The following SKI variants were observed in gnomAD, a reference collection of about 807,000 sequenced individuals.
The protein encoded by SKI is SKI proto-oncogene.
SKI carries 23 observed loss-of-function variants against 59.3 expected under a neutral mutation model. The observed-to-expected ratio is 0.39, with a 90% CI of 0.28 to 0.55. The LOEUF (loss-of-function observed/expected upper bound fraction) is 0.55, where lower values mean the gene tolerates loss of function less well. SKI is among the 20% of genes least tolerant of loss of function. The pLI is 0.67. For missense variants in SKI, 1,017 were observed against 1,038.9 expected, an observed-to-expected ratio of 0.98 and a Z score of 0.29; for synonymous variants, 673 against 488.6, an observed-to-expected ratio of 1.38 and a Z score of -4.98.
At chr1:2,260,594 A>G (rs116564674) in intron 1 of SKI, among the ~76,000 whole-genome samples, 132 of 130,428 alleles carry the variant, frequency 1.0e-3, no homozygotes, top group African/African-American at 3.9e-3. Flanking sequence ...AGGCTAGAGC[A>G]CAATCTTGTG....
chr1:2,232,766 C>T (rs1001710876), intron 1 of SKI: 4 of 152,324 alleles, frequency 2.6e-5, no homozygotes, highest in Admixed American at 6.5e-5. Context: ...TGACCTTGGA[C>T]GAGTTGCTTA....
chr1:2,262,114 G>C (rs1430066215), intron 1 of SKI, among the ~76,000 whole-genome samples: 1 of 141,684 alleles, frequency 7.1e-6, no homozygotes, highest in Non-Finnish European at 1.5e-5. Flanking sequence ...CTGATCTCCT[G>C]GTCTGGAAGG....
Position 2,303,496 on chromosome 1 carries a change from C to G in SKI, c.1211+96C>G. Reference sequence around the variant, plus strand: ...GCCCATGTTTCTGCAGGCTGGGTGCCCAGACCTGCCGCCTTTTGGTCAGGG... The same window carrying G: ...GCCCATGTTTCTGCAGGCTGGGTGCGCAGACCTGCCGCCTTTTGGTCAGGG... On this transcript the variant is annotated intron_variant, in intron 3 of 6. Transcript: ENST00000378536. The surrounding 1 kb of genome is among the most constrained non-coding windows in gnomAD (Gnocchi z 5.6). 8.9e-7 allele frequency: 1 copy of G among 1,121,232 alleles called. No homozygotes were observed. Among genetic ancestry groups the G allele is most frequent in the Admixed American group, 1.8e-5 (1 of 54,790 alleles). 69.5% of individuals were successfully genotyped at this position (1,121,232 alleles called of 1,614,324 possible).
chr1:2,229,848 T>C lies in SKI; in HGVS notation c.969+113T>C, dbSNP rs1257160138. On this transcript the variant is annotated intron_variant, in intron 1 of 6. Coordinates refer to ENST00000378536, the MANE Select transcript of SKI (RefSeq NM_003036.4). This position sits in a 1 kb window ranked among gnomAD's most constrained non-coding sequence, Gnocchi z 6.3. ...GGACCTGTGCTTCTGCCGTGCCCCA[T>C]GTCTCCAGTCTTCGCTTTGTTTTAG... is the stretch of plus-strand genomic sequence containing the variant. 2.0e-6 allele frequency: 3 copies of C among 1,517,698 alleles called. No individual in the cohort carries two copies. Among genetic ancestry groups the C allele is most frequent in the African/African-American group, 1.4e-5 (1 of 71,866 alleles). The allele number at this position is 1,517,698 out of a possible 1,614,324, so 94.0% of individuals were successfully genotyped here.
In SKI at chr1:2,268,114, G is replaced by T. The variant is rs1049351058; in HGVS notation, c.970-34864G>T. ...CCACCCCTGTGGTCAGATGCATGGC[G>T]CCCGCAGCCCTGGCCCAGGTGCCCC... On this transcript the variant is annotated intron_variant, in intron 1 of 6. Transcript: ENST00000378536. The surrounding 1 kb of genome is among the most constrained non-coding windows in gnomAD (Gnocchi z 5.0). 3.3e-5 allele frequency among the ~76,000 whole-genome samples: 5 copies of T among 152,226 alleles called. No individual in the cohort carries two copies. The highest frequency in any genetic ancestry group is 7.3e-5 in the Non-Finnish European group (5 of 68,028).
chr1:2,275,272 C>G (rs183773309), intron 1 of SKI, among the ~76,000 whole-genome samples: 1 of 152,224 alleles, frequency 6.6e-6, no homozygotes, highest in Admixed American at 6.5e-5. Context: ...TCCGCTCAGG[C>G]GCCACGGCGG....
Position 2,306,705 on chromosome 1 carries a change from G to A in SKI, c.2127G>A (p.Leu709=). Residue 709 remains leucine (L), a synonymous_variant, in exon 7 of 7, where the codon CTG becomes CTA. Transcript: ENST00000378536. ...TGGTGAAGGAGCTGCAGGAACAGCT[G>A]TGGCCGCGGGCCCGCCCCGAGGCTG... is the stretch of plus-strand genomic sequence containing the variant. ...EKVVKELQEQ[L]WPRARPEAAG... 6.5e-7 allele frequency: 1 copy of A among 1,541,110 alleles called. No homozygotes were observed. Among genetic ancestry groups the A allele is most frequent in the Non-Finnish European group, 8.7e-7 (1 of 1,144,120 alleles).
At chr1:2,230,193 C>T (rs1638601878) in intron 1 of SKI, among the ~76,000 whole-genome samples, 1 of 152,190 alleles carries the variant, frequency 6.6e-6, no homozygotes, top group African/African-American at 2.4e-5. Context: ...GCCTCGAAGA[C>T]GGAGGGCTGC....
intron 1 of SKI, among the ~76,000 whole-genome samples, chr1:2,249,323 C>A (rs1056376775): frequency 2.0e-5 from 3 of 152,204 alleles, no homozygotes; most frequent in Non-Finnish European, 2.9e-5. Context: ...AGCGTGCAGG[C>A]CGGATGTTCC....
At chr1:2,235,425 C>T (rs568117193) in intron 1 of SKI, among the ~76,000 whole-genome samples, 5 of 152,316 alleles carry the variant, frequency 3.3e-5, no homozygotes, top group Admixed American at 6.5e-5. Context: ...CCTGTTCTCT[C>T]GAGGCCTGGT....
At chr1:2,231,568 A>G (rs10910031) in intron 1 of SKI, among the ~76,000 whole-genome samples, 20,685 of 152,166 alleles carry the variant, frequency 0.14, 1,985 homozygotes, top group African/African-American at 0.26. Context: ...GGCTCTGGTC[A>G]TCTCAGCGGA....
intron 1 of SKI, among the ~76,000 whole-genome samples, chr1:2,245,706 C>T (rs1638978589): frequency 6.6e-6 from 1 of 151,494 alleles, no homozygotes; most frequent in Non-Finnish European, 1.5e-5. Flanking sequence ...GAATTCTTGA[C>T]CTTATGTGAC....
chr1:2,297,853 G>A (rs148551236), intron 1 of SKI, among the ~76,000 whole-genome samples: 9 of 152,250 alleles, frequency 5.9e-5, no homozygotes, highest in African/African-American at 1.4e-4. Context: ...CTCCCATGGC[G>A]CATGCATTCC....
In SKI at chr1:2,303,107, C is replaced by T. The variant is rs752075681; in HGVS notation, c.1095+4C>T. 9.3e-6 allele frequency: 15 copies of T among 1,613,224 alleles called. No individual in the cohort carries two copies. In the South Asian group the frequency reaches 1.5e-4, roughly 17 times the overall value. On this transcript the variant is annotated splice_donor_region_variant and intron_variant, in intron 2 of 6. Coordinates refer to ENST00000378536, the MANE Select transcript of SKI (RefSeq NM_003036.4). The surrounding 1 kb of genome is among the most constrained non-coding windows in gnomAD (Gnocchi z 5.6). Reference sequence around the variant, plus strand: ...CTTGGCCGGCTCTTCCAATAAGGTGCTGTGGGGCCTGTCGGGGTCCTTGGG... The same window carrying T: ...CTTGGCCGGCTCTTCCAATAAGGTGTTGTGGGGCCTGTCGGGGTCCTTGGG...
chr1:2,241,304 T>C (rs1182375429), intron 1 of SKI, among the ~76,000 whole-genome samples: 5 of 152,374 alleles, frequency 3.3e-5, no homozygotes, highest in African/African-American at 1.2e-4. Flanking sequence ...ATTAGCTCAA[T>C]GCACCCCATG....
chr1:2,280,153 A>T (rs1040442997), intron 1 of SKI, among the ~76,000 whole-genome samples: 4 of 151,804 alleles, frequency 2.6e-5, no homozygotes, highest in South Asian at 2.1e-4. Flanking sequence ...GTGGCTAATG[A>T]GGTCAGGAGT....
chr1:2,259,737 T>G (rs1639344097), intron 1 of SKI, among the ~76,000 whole-genome samples: 1 of 152,112 alleles, frequency 6.6e-6, no homozygotes, highest in South Asian at 2.1e-4. Context: ...GCAGTCTGCT[T>G]TTGGGCCTGT....
intron 1 of SKI, among the ~76,000 whole-genome samples, chr1:2,294,901 C>T (rs1012385873): frequency 6.6e-6 from 1 of 152,230 alleles, no homozygotes; most frequent in African/African-American, 2.4e-5. Context: ...GGGTTGGAGG[C>T]CACGCCCACC....
chr1:2,274,024 G>A (rs190064961), intron 1 of SKI, among the ~76,000 whole-genome samples: 87 of 152,052 alleles, frequency 5.7e-4, no homozygotes, highest in African/African-American at 2.0e-3. Flanking sequence ...CCATGCGTGT[G>A]CGCAGGTCCT....
Sources: allele counts gnomAD v4.1 joint callset (sites outside exome capture counted in the v4.1 genomes callset), GRCh38; gene constraint gnomAD v4.1.1; non-coding constraint Gnocchi (gnomAD v3.1); transcripts MANE v1.5; gene names NCBI Gene and HGNC (gene_info 2026-07-23, HGNC 2026-07-21).